The following ABRACL variants were observed in gnomAD, a reference collection of about 807,000 sequenced individuals.
ABRACL encodes ABRA C-terminal like.
A neutral mutation model predicts 7.0 loss-of-function variants in ABRACL; 4 were observed. The observed-to-expected ratio is 0.57, with a 90% confidence interval of 0.28 to 1.30. ABRACL has a LOEUF of 1.30. ABRACL is among the 50% of genes most tolerant of loss of function. ABRACL has a pLI of 0.10. For synonymous variants in ABRACL, 30 were observed against 36.0 expected (o/e 0.83, Z 0.60); for missense variants, 104 against 97.3 (o/e 1.07, Z -0.29).
chr6:139,040,248 G>A (rs1786225154), intron 2 of ABRACL, among the ~76,000 whole-genome samples: 1 of 152,176 alleles, frequency 6.6e-6, no homozygotes, highest in Non-Finnish European at 1.5e-5. Flanking sequence ...AGAGTTCTCA[G>A]TCAGCAGCTT....
chr6:139,036,873 A>C (rs9969086), intron 2 of ABRACL, among the ~76,000 whole-genome samples: 4,142 of 152,186 alleles, frequency 0.027, 211 homozygotes, highest in African/African-American at 0.095. Flanking sequence ...GGTCCCAGCT[A>C]TACTGGAGGC....
intron 2 of ABRACL, among the ~76,000 whole-genome samples, chr6:139,041,449 C>CTA (rs1283788812): frequency 1.6e-3 from 128 of 81,866 alleles, no homozygotes; most frequent in African/African-American, 4.3e-3. Context: ...CTCTCTCTCT[C>CTA]TCTATATATA....
In ABRACL at chr6:139,042,801, A is replaced by T. The variant is rs201624556; in HGVS notation, c.144A>T (p.Gly48=). 131 of 1,613,986 alleles carry T rather than the reference A, an allele frequency of 8.1e-5. No homozygotes were observed. The highest frequency in any genetic ancestry group is 1.0e-4 in the Non-Finnish European group (123 of 1,179,992). ...KCANLFEALV[G]TLKAAKRRKI... ...CCAACCTCTTTGAAGCATTGGTAGG[A>T]ACTCTTAAAGCTGCAAAACGAAGGA... Residue 48 remains glycine, a synonymous_variant, in exon 3 of 3, where the codon GGA becomes GGT. Transcript: ENST00000367660.
intron 1 of ABRACL, among the ~76,000 whole-genome samples, chr6:139,029,990 C>T (rs1786056609): frequency 6.6e-6 from 1 of 151,986 alleles, no homozygotes; most frequent in Non-Finnish European, 1.5e-5. Flanking sequence ...TTTCCGCTTC[C>T]TTTGTGTTTC....
chr6:139,028,906 G>C (rs1298752290), intron 1 of ABRACL, 31 bp downstream of exon 1: 1 of 152,416 alleles, frequency 6.6e-6, no homozygotes, highest in Non-Finnish European at 1.5e-5. Context: ...ATGTGGCTTA[G>C]GTAGCAGGGA....
rs1294088368 is a variant in ABRACL at position 139,042,708 on chromosome 6, T to C, written c.62-11T>C. 1.9e-6 allele frequency: 3 copies of C among 1,606,046 alleles called. No individual in the cohort carries two copies. Among genetic ancestry groups the C allele is most frequent in the Non-Finnish European group, 2.6e-6 (3 of 1,175,834 alleles). On this transcript the variant is annotated splice_polypyrimidine_tract_variant and intron_variant, in intron 2 of 2. Coordinates refer to ENST00000367660, the MANE Select transcript of ABRACL (RefSeq NM_021243.3). ...CTTTGCATTTGCTAACAATGTATTT[T>C]CTCAAACTAGATGCTGATGGAAAGT...
chr6:139,042,823 A>G lies in ABRACL; in HGVS notation c.166A>G (p.Arg56Gly), dbSNP rs762945740. 6 of 1,614,098 alleles carry G rather than the reference A, an allele frequency of 3.7e-6. No homozygotes were observed. In the Admixed American group the frequency reaches 6.7e-5, roughly 18 times the overall value. ...LVGTLKAAKR[R>G]KIVTYPGELL... ...AGGAACTCTTAAAGCTGCAAAACGAAGGAAGATTGTAACATATCCAGGAGA... is the reference window on the plus strand; with the variant it reads ...AGGAACTCTTAAAGCTGCAAAACGAGGGAAGATTGTAACATATCCAGGAGA... The change falls in exon 3 of 3, where the codon AGG (arginine) becomes GGG (glycine). Residue 56 changes from arginine to glycine, a missense_variant. Coordinates refer to ENST00000367660, the MANE Select transcript of ABRACL (RefSeq NM_021243.3).
chr6:139,036,967 G>C (rs1194636964), intron 2 of ABRACL, among the ~76,000 whole-genome samples: 1 of 152,030 alleles, frequency 6.6e-6, no homozygotes, highest in Non-Finnish European at 1.5e-5. Flanking sequence ...CTGGGGGACA[G>C]AGTGAGACCC....
chr6:139,037,638 C>T (rs569761470), intron 2 of ABRACL, among the ~76,000 whole-genome samples: 2 of 152,304 alleles, frequency 1.3e-5, no homozygotes, highest in Admixed American at 1.3e-4. Context: ...TTTCACCACA[C>T]CCACTTGATG....
chr6:139,042,258 G>A (rs993184383), intron 2 of ABRACL, among the ~76,000 whole-genome samples: 3 of 145,130 alleles, frequency 2.1e-5, no homozygotes, highest in Non-Finnish European at 4.6e-5. Context: ...CAGTGGTCCT[G>A]ATGAATGGCT....
chr6:139,034,411 G>A, intron 2 of ABRACL, 190 bp downstream of exon 2: 2 of 1,533,796 alleles, frequency 1.3e-6, no homozygotes, highest in East Asian at 2.5e-5. Flanking sequence ...GGCTTTTGGG[G>A]TATTGTGATT....
intron 1 of ABRACL, among the ~76,000 whole-genome samples, chr6:139,033,902 A>G (rs1457185510): frequency 6.6e-6 from 1 of 151,414 alleles, no homozygotes; most frequent in Non-Finnish European, 1.5e-5. Flanking sequence ...TCGTGGGTGC[A>G]AGGAGAATGG....
In ABRACL at chr6:139,034,167, G is replaced by A. The variant is rs200480448; in HGVS notation, c.7G>A (p.Val3Met). The change falls in exon 2 of 3, where the codon GTG becomes ATG. Residue 3 changes from valine to methionine, a missense_variant. Coordinates refer to ENST00000367660, the MANE Select transcript of ABRACL (RefSeq NM_021243.3). MN[V>M]DHEVNLLVEE... ...TTTTCTCTCCCAGGCAGCAATGAAT[G>A]TGGATCACGAGGTTAACCTCTTAGT... is the stretch of plus-strand genomic sequence containing the variant. 493 of 1,614,122 alleles carry A rather than the reference G, an allele frequency of 3.1e-4. No homozygotes were observed. Among genetic ancestry groups the A allele is most frequent in the Non-Finnish European group, 3.5e-4 (418 of 1,180,052 alleles).
chr6:139,042,954 G>A lies in ABRACL; in HGVS notation c.*51G>A, dbSNP rs958204673. ...GCCATTTTTTGTTTCTGGTAAACTG[G>A]AATATAAAGTGAAAGAACAAACATT... On this transcript the variant is annotated 3_prime_UTR_variant, in exon 3 of 3. Coordinates refer to ENST00000367660, the MANE Select transcript of ABRACL (RefSeq NM_021243.3). The A allele has an allele frequency of 2.8e-6, 4 of 1,435,512 alleles. No homozygotes were observed. The highest frequency in any genetic ancestry group is 3.8e-6 in the Non-Finnish European group (4 of 1,063,016). The allele number at this position is 1,435,512 out of a possible 1,614,324, so 88.9% of individuals were successfully genotyped here. A position where few individuals can be genotyped will look rare whatever the true frequency, so the allele number is the denominator to read the frequency against.
chr6:139,039,701 C>T (rs1786216183), intron 2 of ABRACL, among the ~76,000 whole-genome samples: 1 of 152,164 alleles, frequency 6.6e-6, no homozygotes. Context: ...TCAGGAGGTA[C>T]ATGCAGTGAT....
chr6:139,033,394 C>T (rs1786109762), intron 1 of ABRACL, among the ~76,000 whole-genome samples: 1 of 152,230 alleles, frequency 6.6e-6, no homozygotes, highest in Non-Finnish European at 1.5e-5. Context: ...CAGAGAAGGC[C>T]ATGACGTCCC....
At chr6:139,032,256 G>A (rs1281172816) in intron 1 of ABRACL, among the ~76,000 whole-genome samples, 1 of 152,194 alleles carries the variant, frequency 6.6e-6, no homozygotes, top group Admixed American at 6.5e-5. Context: ...GAGCCACCGC[G>A]CCCGGGCTTT....
intron 1 of ABRACL, among the ~76,000 whole-genome samples, chr6:139,029,448 C>G (rs1462746909): frequency 1.3e-5 from 2 of 152,040 alleles, no homozygotes; most frequent in Admixed American, 6.5e-5. Flanking sequence ...TCGGGGCGCC[C>G]GGGCCACGGG....
At position 139,041,111 on chromosome 6, in the gene ABRACL, A is replaced by T. The variant is rs560212859; in HGVS notation, c.62-1608A>T. Among the ~76,000 whole-genome samples, 6 of 152,334 alleles carry T rather than the reference A, an allele frequency of 3.9e-5. No homozygotes were observed. In the South Asian group the frequency reaches 1.2e-3, roughly 32 times the overall value. On this transcript the variant is annotated intron_variant, in intron 2 of 2. Coordinates refer to ENST00000367660, the MANE Select transcript of ABRACL (RefSeq NM_021243.3). ...GGTTTTTAAAAAGCTCATGTATATCATCACAATGAAGACGAGGAAAAAGAA... is the reference window on the plus strand; with the variant it reads ...GGTTTTTAAAAAGCTCATGTATATCTTCACAATGAAGACGAGGAAAAAGAA...
Sources: allele counts gnomAD v4.1 joint callset (sites outside exome capture counted in the v4.1 genomes callset), GRCh38; gene constraint gnomAD v4.1.1; transcripts MANE v1.5; gene names NCBI Gene and HGNC (gene_info 2026-07-23, HGNC 2026-07-21).